Variants in ARHGEF10L observed in about 807,000 individuals in gnomAD.
The protein encoded by ARHGEF10L is rho guanine nucleotide exchange factor 10-like protein.
Under a neutral mutation model 141.2 loss-of-function variants are expected in ARHGEF10L, and 69 were observed. The ratio of observed to expected loss-of-function variants is 0.49; its 90% CI spans 0.40 to 0.60. The LOEUF (loss-of-function observed/expected upper bound fraction) is 0.60, where lower values mean the gene tolerates loss of function less well. Among genes scored for constraint, ARHGEF10L ranks in the 20% least tolerant of loss-of-function variants. The pLI is 0.00. For synonymous variants in ARHGEF10L, 711 were observed against 718.5 expected, an observed-to-expected ratio of 0.99 and a Z score of 0.17; for missense variants, 1,482 against 1,734.3, an observed-to-expected ratio of 0.85 and a Z score of 2.58.
chr1:17,524,362 T>C, the ARHGEF10L span, among the ~76,000 whole-genome samples: 12 of 98,500 alleles, frequency 1.2e-4, no homozygotes, highest in African/African-American at 4.4e-4. Context: ...AAACCCCGTC[T>C]CTACACACAC....
chr1:17,692,642 C>T (rs1446974038), intron 27 of ARHGEF10L, among the ~76,000 whole-genome samples: 1 of 152,198 alleles, frequency 6.6e-6, no homozygotes, highest in Non-Finnish European at 1.5e-5. Context: ...CTGCGGGAGC[C>T]CCTGCTGGGC....
chr1:17,562,675 A>AT (rs1192582269), intron 1 of ARHGEF10L, among the ~76,000 whole-genome samples: 1 of 152,130 alleles, frequency 6.6e-6, no homozygotes, highest in Non-Finnish European at 1.5e-5. Context: ...TACTGTGTTG[A>AT]TTTTTTGTAT....
chr1:17,664,742 C>A, intron 26 of ARHGEF10L, 147 bp downstream of exon 26: 2 of 1,090,874 alleles, frequency 1.8e-6, no homozygotes, highest in South Asian at 1.8e-5. Context: ...AGAGGGGGCC[C>A]AAGGTCCCTA....
At chr1:17,685,173 T>C (rs1416966955) in intron 26 of ARHGEF10L, among the ~76,000 whole-genome samples, 2 of 152,210 alleles carry the variant, frequency 1.3e-5, no homozygotes, top group Non-Finnish European at 2.9e-5. Flanking sequence ...CTTCGGGGGC[T>C]GGACAAAGAA....
chr1:17,621,858 G>A lies in ARHGEF10L; in HGVS notation c.943-6G>A, dbSNP rs759398693. ...GTGCGCTGACCGTGCTTTTTGGCCC[G>A]AGCAGGTGGTCCGGAGGCATATCCT... On this transcript the variant is annotated splice_region_variant and splice_polypyrimidine_tract_variant and intron_variant, in intron 10 of 28. Transcript: ENST00000361221. The surrounding 1 kb of genome is among the most constrained non-coding windows in gnomAD (Gnocchi z 4.1). The A allele has an allele frequency of 1.2e-5, 20 of 1,613,970 alleles. No individual in the cohort carries two copies. In the East Asian group the frequency reaches 1.8e-4, roughly 14 times the overall value.
chr1:17,547,647 GA>G (rs1355579975), intron 1 of ARHGEF10L, among the ~76,000 whole-genome samples: 11 of 152,154 alleles, frequency 7.2e-5, no homozygotes, highest in African/African-American at 2.7e-4. Context: ...CGAAATTGAA[GA>G]AAAATATTCC....
At chr1:17,676,379 T>C (rs1204773717) in intron 26 of ARHGEF10L, among the ~76,000 whole-genome samples, 1 of 127,196 alleles carries the variant, frequency 7.9e-6, no homozygotes, top group Non-Finnish European at 1.6e-5. Context: ...GTGGGTGAGG[T>C]GTAGATGCAG....
chr1:17,545,634 G>A (rs1331454357), intron 1 of ARHGEF10L, among the ~76,000 whole-genome samples: 2 of 152,204 alleles, frequency 1.3e-5, no homozygotes, highest in African/African-American at 4.8e-5. Context: ...CTTGGGGCTT[G>A]TGGAGTTGTG....
At chr1:17,576,200 G>C (rs2078215822) in intron 1 of ARHGEF10L, among the ~76,000 whole-genome samples, 1 of 152,306 alleles carries the variant, frequency 6.6e-6, no homozygotes, top group South Asian at 2.1e-4. Context: ...GGCCCGGGGT[G>C]GGACAGGGGC....
intron 16 of ARHGEF10L, 62 bp from the exon 17 acceptor site, chr1:17,634,486 C>G: frequency 6.2e-7 from 1 of 1,613,748 alleles, no homozygotes; most frequent in Non-Finnish European, 8.5e-7. Flanking sequence ...GGGGTCACAG[C>G]CCCCAGATTA....
chr1:17,617,231 A>G (rs575998814), intron 9 of ARHGEF10L, among the ~76,000 whole-genome samples: 2 of 152,368 alleles, frequency 1.3e-5, no homozygotes, highest in Non-Finnish European at 2.9e-5. Flanking sequence ...GAAGCGTCCC[A>G]TGGTCAGATT....
chr1:17,526,698 G>A, the ARHGEF10L span, among the ~76,000 whole-genome samples: 1 of 152,168 alleles, frequency 6.6e-6, no homozygotes, highest in Non-Finnish European at 1.5e-5. Context: ...GAGCCCAGGA[G>A]TTTGAGACCA....
chr1:17,565,019 C>T (rs1235477338), intron 1 of ARHGEF10L, among the ~76,000 whole-genome samples: 1 of 152,222 alleles, frequency 6.6e-6, no homozygotes, highest in Non-Finnish European at 1.5e-5. Context: ...TAACGAAATG[C>T]CGTGACTCTT....
Position 17,573,944 on chromosome 1 carries a change from G to C in ARHGEF10L, c.-43-6609G>C, listed in dbSNP as rs2078115036. ...CCCAGTGAGGCAGGCCCCCTTCTCAGAGCTCCCCTCCCCCTCCCTGGTGAA... is the reference window on the plus strand; with the variant it reads ...CCCAGTGAGGCAGGCCCCCTTCTCACAGCTCCCCTCCCCCTCCCTGGTGAA... On this transcript the variant is annotated intron_variant, in intron 1 of 28. Transcript: ENST00000361221. The surrounding 1 kb of genome is among the most constrained non-coding windows in gnomAD (Gnocchi z 4.8). Among the ~76,000 whole-genome samples, 1 of 152,050 alleles carries C rather than the reference G, an allele frequency of 6.6e-6. No individual in the cohort carries two copies. Among genetic ancestry groups the C allele is most frequent in the African/African-American group, 2.4e-5 (1 of 41,418 alleles).
intron 1 of ARHGEF10L, among the ~76,000 whole-genome samples, chr1:17,551,498 CAGG>C (rs1232374663): frequency 6.6e-6 from 1 of 152,140 alleles, no homozygotes; most frequent in Middle Eastern, 3.2e-3. Flanking sequence ...GGGTGCTGCT[CAGG>C]AGCTCTGTCC....
intron 26 of ARHGEF10L, among the ~76,000 whole-genome samples, chr1:17,672,132 CAGAGAAG>C (rs2063359277): frequency 6.6e-6 from 1 of 152,138 alleles, no homozygotes; most frequent in Non-Finnish European, 1.5e-5. Context: ...CTAAGCAGGA[CAGAGAAG>C]AAACTTCTCT....
intron 1 of ARHGEF10L, among the ~76,000 whole-genome samples, chr1:17,540,901 G>C (rs947822321): frequency 1.3e-5 from 2 of 152,190 alleles, no homozygotes. Context: ...GGGCTCATTA[G>C]AATGCATAGC....
At chr1:17,624,850 G>A (rs1036579756) in intron 13 of ARHGEF10L, among the ~76,000 whole-genome samples, 3 of 152,192 alleles carry the variant, frequency 2.0e-5, no homozygotes, top group Admixed American at 6.5e-5. Flanking sequence ...TGCTAAGCTG[G>A]TTCCTTTTCC....
In ARHGEF10L at chr1:17,614,369, C is replaced by T. The variant is rs532491176; in HGVS notation, c.726+1195C>T. The stretch of plus-strand genomic sequence containing the variant: ...AGAGTCTAAGACTGGGCCTTTCCCC[C>T]GCTTCGGCCACACACTGTGGGAATG... On this transcript the variant is annotated intron_variant, in intron 8 of 28. Coordinates refer to ENST00000361221, the MANE Select transcript of ARHGEF10L (RefSeq NM_018125.4). 2.1e-3 allele frequency among the ~76,000 whole-genome samples: 323 copies of T among 152,342 alleles called. 1 individual carries two copies. The highest frequency in any genetic ancestry group is 7.4e-3 in the African/African-American group (307 of 41,580).
Sources: allele counts gnomAD v4.1 joint callset (sites outside exome capture counted in the v4.1 genomes callset), GRCh38; gene constraint gnomAD v4.1.1; non-coding constraint Gnocchi (gnomAD v3.1); transcripts MANE v1.5; gene names NCBI Gene and HGNC (gene_info 2026-07-23, HGNC 2026-07-21).